Variants in CIAO2A observed in about 807,000 individuals in gnomAD.
CIAO2A encodes MIP18 family protein FAM96A.
CIAO2A carries 17 observed loss-of-function variants against 22.4 expected under a neutral mutation model. The observed-to-expected ratio is 0.76, with a 90% CI of 0.52 to 1.14. The LOEUF is 1.14. Among genes scored for constraint, CIAO2A ranks in the 50% most tolerant of loss-of-function variants. CIAO2A has a pLI of 0.00. For missense variants in CIAO2A, 192 were observed against 191.4 expected (o/e 1.00, Z -0.02); for synonymous variants, 74 against 72.3 (o/e 1.02, Z -0.12).
chr15:64,093,493 G>A (rs1326469531), intron 1 of CIAO2A, 152 bp downstream of exon 1: 2 of 875,238 alleles, frequency 2.3e-6, no homozygotes, highest in Non-Finnish European at 3.4e-6. Context: ...CGCCTGCTAC[G>A]CCCCGGACAA....
At chr15:64,081,205 C>G in intron 2 of CIAO2A, 54 bp from the exon 3 acceptor site, 1 of 1,552,332 alleles carries the variant, frequency 6.4e-7, no homozygotes, top group Non-Finnish European at 8.8e-7. Context: ...CTTATTGGTT[C>G]TTGAAAAAGC....
chr15:64,090,959 C>T (rs1595961488), intron 1 of CIAO2A, among the ~76,000 whole-genome samples: 1 of 152,150 alleles, frequency 6.6e-6, no homozygotes, highest in South Asian at 2.1e-4. Context: ...TTCTTTCTTA[C>T]TCTGAGGCTG....
At chr15:64,076,981 T>C (rs1428829339) in intron 3 of CIAO2A, among the ~76,000 whole-genome samples, 2 of 152,084 alleles carry the variant, frequency 1.3e-5, no homozygotes, top group African/African-American at 2.4e-5. Flanking sequence ...ACAGAGATTA[T>C]AGGCGTGAGC....
At chr15:64,084,204 CTTTTT>C (rs1217836777) in intron 2 of CIAO2A, among the ~76,000 whole-genome samples, 1 of 149,554 alleles carries the variant, frequency 6.7e-6, no homozygotes, top group Non-Finnish European at 1.5e-5. Flanking sequence ...TGTTTTTTTT[CTTTTT>C]TAAGAGATTG....
At chr15:64,084,002 G>A (rs2080775507) in intron 2 of CIAO2A, among the ~76,000 whole-genome samples, 1 of 152,004 alleles carries the variant, frequency 6.6e-6, no homozygotes, top group Non-Finnish European at 1.5e-5. Flanking sequence ...GGTCTTAGCT[G>A]AAATGCATAA....
Position 64,087,084 on chromosome 15 carries a change from C to CTTT in CIAO2A, c.289+1600_289+1602dup, listed in dbSNP as rs766247330. Among the ~76,000 whole-genome samples, 229 of 75,854 alleles carry CTTT rather than the reference C, an allele frequency of 3.0e-3. 5 individuals are homozygous for CTTT. The highest frequency in any genetic ancestry group is 4.6e-3 in the East Asian group (10 of 2,172). 49.8% of individuals were successfully genotyped at this position (75,854 alleles called of 152,430 possible). On this transcript the variant is annotated intron_variant, in intron 2 of 4. Transcript: ENST00000300030. ...GTGCCACCATGCCTTGCTAATTTTGCTTTTTTTTTTTTTTTTTTTTTTGGG... is the reference window on the plus strand; with the variant it reads ...GTGCCACCATGCCTTGCTAATTTTGCTTTTTTTTTTTTTTTTTTTTTTTTTGGG...
intron 3 of CIAO2A, among the ~76,000 whole-genome samples, chr15:64,078,183 TA>T (rs1290092960): frequency 3.3e-5 from 5 of 152,170 alleles, no homozygotes; most frequent in South Asian, 4.1e-4. Flanking sequence ...TTAAAACAGT[TA>T]AAAATGAAAA....
Position 64,092,493 on chromosome 15 carries a change from A to G in CIAO2A, c.124+1152T>C, listed in dbSNP as rs145843474. On this transcript the variant is annotated intron_variant, in intron 1 of 4. Transcript: ENST00000300030. ...TCTACAGCCTTCTATTACATACTCT[A>G]TTTTTGCATATATGGGTTTCCTTCA... is the stretch of plus-strand genomic sequence containing the variant. 4.7e-4 allele frequency among the ~76,000 whole-genome samples: 72 copies of G among 152,124 alleles called. No homozygotes were observed. The East Asian group carries it at 0.013, about 27-fold the overall frequency.
chr15:64,086,237 C>T (rs950770653), intron 2 of CIAO2A, among the ~76,000 whole-genome samples: 7 of 151,402 alleles, frequency 4.6e-5, no homozygotes, highest in Admixed American at 1.3e-4. Context: ...AGTGAAACCC[C>T]ATCTCTACTA....
Position 64,081,153 on chromosome 15 carries a change from T to C in CIAO2A, c.290-2A>G. On this transcript the variant is annotated splice_acceptor_variant, in intron 2 of 4. Transcript: ENST00000300030. LOFTEE classifies it high-confidence loss of function. ...GAAGTTTTACTCTTAAGCACAGCCC[T>C]GTGGAGGGAAAATCACACCTCCAAT... The C allele has an allele frequency of 2.5e-6, 4 of 1,612,548 alleles. No individual in the cohort carries two copies. Among genetic ancestry groups the C allele is most frequent in the South Asian group, 1.1e-5 (1 of 90,690 alleles).
chr15:64,087,601 T>C (rs2080807843), intron 2 of CIAO2A, among the ~76,000 whole-genome samples: 1 of 152,198 alleles, frequency 6.6e-6, no homozygotes, highest in African/African-American at 2.4e-5. Flanking sequence ...ATGTGGCCTA[T>C]ATGGTGGAAA....
chr15:64,088,774 C>T lies in CIAO2A; in HGVS notation c.202G>A (p.Glu68Lys). The T allele has an allele frequency of 4.3e-6, 7 of 1,614,044 alleles. No individual in the cohort carries two copies. The highest frequency in any genetic ancestry group is 5.9e-6 in the Non-Finnish European group (7 of 1,179,964). ...ELEVVSESCV[E>K]VQEINEEEYL... is the part of the protein sequence containing the mutation. ...TCTTCTTCATTTATCTCCTGAACTT[C>T]CACACAACTTTCCGAGACCACTTCC... The change falls in exon 2 of 5, where the codon GAA (glutamate) becomes AAA (lysine). Residue 68 changes from glutamate (E) to lysine (K), a missense_variant. Glu to Lys is a moderately conservative substitution (Grantham distance 56). Transcript: ENST00000300030.
rs74809198 is a variant in CIAO2A, at chr15:64,076,630, A to G, written c.340-1093T>C. 6.0e-4 allele frequency among the ~76,000 whole-genome samples: 91 copies of G among 152,124 alleles called. 1 individual carries two copies. The East Asian group carries it at 0.017, about 29-fold the overall frequency. On this transcript the variant is annotated intron_variant, in intron 3 of 4. Transcript: ENST00000300030. The stretch of plus-strand genomic sequence containing the variant: ...GGAACATATGAACTAATTTTTATTT[A>G]CTTATTTACTACGGAGATAAACATT...
At chr15:64,086,973 A>T (rs987494310) in intron 2 of CIAO2A, among the ~76,000 whole-genome samples, 2 of 137,688 alleles carry the variant, frequency 1.5e-5, no homozygotes, top group African/African-American at 2.8e-5. Context: ...GTGCAATGGC[A>T]TGATCTCAGC....
At chr15:64,082,131 A>T (rs1279052365) in intron 2 of CIAO2A, among the ~76,000 whole-genome samples, 1 of 152,204 alleles carries the variant, frequency 6.6e-6, no homozygotes, top group Non-Finnish European at 1.5e-5. Context: ...TTTTCTAAGT[A>T]CCATTTGGTT....
At chr15:64,081,534 C>CTTTTTT (rs1567306106) in intron 2 of CIAO2A, among the ~76,000 whole-genome samples, 1 of 24,406 alleles carries the variant, frequency 4.1e-5, no homozygotes, top group Non-Finnish European at 1.3e-4. Context: ...ACTCATTAAG[C>CTTTTTT]CTTTTTTTTT....
At chr15:64,089,318 T>C (rs549726275) in intron 1 of CIAO2A, among the ~76,000 whole-genome samples, 60 of 152,190 alleles carry the variant, frequency 3.9e-4, no homozygotes, top group African/African-American at 1.4e-3. Context: ...AGCTCAGAAG[T>C]TCGAGACCAG....
At chr15:64,084,306 C>A (rs571962916) in intron 2 of CIAO2A, among the ~76,000 whole-genome samples, 1 of 152,032 alleles carries the variant, frequency 6.6e-6, no homozygotes, top group Non-Finnish European at 1.5e-5. Flanking sequence ...CCACGTCTGG[C>A]GAATATTTTC....
intron 1 of CIAO2A, among the ~76,000 whole-genome samples, chr15:64,091,249 G>A (rs1360349211): frequency 2.0e-5 from 3 of 152,152 alleles, no homozygotes; most frequent in East Asian, 1.9e-4. Flanking sequence ...GGGAGGCTGA[G>A]GCAAGTGGAT....
Sources: gnomAD v4.1 joint callset for allele counts (sites outside exome capture counted in the v4.1 genomes callset) on GRCh38, gnomAD v4.1.1 for gene constraint, MANE v1.5 for transcripts, NCBI Gene and HGNC (gene_info 2026-07-23, HGNC 2026-07-21) for gene names.